ATP13A5: variants seen among roughly 807,000 people sequenced by gnomAD.
ATP13A5 encodes probable cation-transporting ATPase 13A5.
Under a neutral mutation model 150.2 loss-of-function variants are expected in ATP13A5, and 149 were observed. The ratio of observed to expected loss-of-function variants is 0.99; its 90% confidence interval spans 0.87 to 1.14. The LOEUF (loss-of-function observed/expected upper bound fraction) is 1.14. ATP13A5 is among the 50% of genes most tolerant of loss of function. The pLI is 0.00. For missense variants in ATP13A5, 1,383 were observed against 1,449.3 expected (o/e 0.95, Z 0.74); for synonymous variants, 497 against 522.2 (o/e 0.95, Z 0.66).
intron 25 of ATP13A5, among the ~76,000 whole-genome samples, chr3:193,296,670 T>G (rs1462729753): frequency 6.6e-6 from 1 of 152,126 alleles, no homozygotes; most frequent in African/African-American, 2.4e-5. Flanking sequence ...CTATTCGTGC[T>G]CTTTTTTTTT....
chr3:193,375,962 G>A (rs1713626331), intron 1 of ATP13A5, among the ~76,000 whole-genome samples: 1 of 152,180 alleles, frequency 6.6e-6, no homozygotes, highest in African/African-American at 2.4e-5. Flanking sequence ...ACAACGGATT[G>A]TTCACTTGAA....
chr3:193,328,408 C>T (rs901560002), intron 12 of ATP13A5, among the ~76,000 whole-genome samples: 3 of 152,308 alleles, frequency 2.0e-5, no homozygotes, highest in African/African-American at 7.2e-5. Context: ...AAGGACTCCA[C>T]CATGTTCGGT....
intron 29 of ATP13A5, 65 bp downstream of exon 29, chr3:193,276,685 C>A: frequency 1.7e-6 from 2 of 1,146,972 alleles, no homozygotes; most frequent in Non-Finnish European, 1.3e-6. Flanking sequence ...AGAAAATAAG[C>A]ACCTGCTGAA....
At chr3:193,284,805 T>A (rs1053033817) in intron 27 of ATP13A5, 109 bp downstream of exon 27, 39 of 926,674 alleles carry the variant, frequency 4.2e-5, no homozygotes, top group Non-Finnish European at 5.4e-5. Context: ...TTTAGAGTCA[T>A]GCAATTGTTT....
chr3:193,292,861 A>G (rs568533547), intron 25 of ATP13A5, among the ~76,000 whole-genome samples: 1 of 152,198 alleles, frequency 6.6e-6, no homozygotes, highest in South Asian at 2.1e-4. Context: ...TCTTATGCAG[A>G]ATATTCTGAC....
At position 193,276,743 on chromosome 3, in the gene ATP13A5, A is replaced by T. The variant is rs780029711; in HGVS notation, c.3396+7T>A. 8.9e-6 allele frequency: 14 copies of T among 1,578,404 alleles called. No individual in the cohort carries two copies. Among genetic ancestry groups the T allele is most frequent in the Middle Eastern group, 1.7e-4 (1 of 5,932 alleles). On this transcript the variant is annotated splice_region_variant and intron_variant, in intron 29 of 29. Coordinates refer to ENST00000342358, the MANE Select transcript of ATP13A5 (RefSeq NM_198505.4). ...TCTTCCTAGAAAAAATATAGAGATTACTTTACCTCTACAAAGAAAGCCACA... is the reference window on the plus strand; with the variant it reads ...TCTTCCTAGAAAAAATATAGAGATTTCTTTACCTCTACAAAGAAAGCCACA...
intron 11 of ATP13A5, 138 bp downstream of exon 11, chr3:193,333,612 C>T (rs11718268): frequency 0.032 from 27,069 of 836,082 alleles, 552 homozygotes; most frequent in Non-Finnish European, 0.043. Context: ...AGAACATTTC[C>T]GCTGTCTAAG....
At chr3:193,333,156 C>G (rs1378200852) in intron 11 of ATP13A5, among the ~76,000 whole-genome samples, 1 of 150,208 alleles carries the variant, frequency 6.7e-6, no homozygotes, top group Non-Finnish European at 1.5e-5. Context: ...CACACACACA[C>G]AAACACACAC....
At chr3:193,327,606 A>G (rs1719511323) in intron 12 of ATP13A5, among the ~76,000 whole-genome samples, 1 of 152,230 alleles carries the variant, frequency 6.6e-6, no homozygotes, top group Non-Finnish European at 1.5e-5. Flanking sequence ...ATATTAATTA[A>G]TGCCCATAAG....
intron 14 of ATP13A5, 125 bp downstream of exon 14, chr3:193,324,739 T>A: frequency 9.7e-7 from 1 of 1,027,438 alleles, no homozygotes; most frequent in Admixed American, 2.4e-5. Context: ...GTTCTGGTAG[T>A]GTTACACGCT....
At chr3:193,319,401 G>A (rs1033593156) in intron 16 of ATP13A5, among the ~76,000 whole-genome samples, 1 of 152,198 alleles carries the variant, frequency 6.6e-6, no homozygotes, top group Non-Finnish European at 1.5e-5. Context: ...ATTTGGAGGT[G>A]GGGCCTTCAG....
chr3:193,321,947 A>G, intron 15 of ATP13A5, 110 bp from the exon 16 acceptor site: 5 of 1,217,780 alleles, frequency 4.1e-6, no homozygotes, highest in Non-Finnish European at 5.7e-6. Context: ...ATCTTGATGT[A>G]GTATATTTGT....
intron 27 of ATP13A5, among the ~76,000 whole-genome samples, chr3:193,280,283 G>T (rs1370976800): frequency 6.6e-6 from 1 of 152,002 alleles, no homozygotes; most frequent in Non-Finnish European, 1.5e-5. Context: ...TCGAACTCCT[G>T]ACCTGCGATC....
At chr3:193,352,176 C>T (rs1206670029) in intron 6 of ATP13A5, among the ~76,000 whole-genome samples, 2 of 152,188 alleles carry the variant, frequency 1.3e-5, no homozygotes, top group African/African-American at 4.8e-5. Flanking sequence ...AGTGAACTGA[C>T]ATGTGGTAAA....
chr3:193,364,545 A>G (rs1713169802), intron 1 of ATP13A5, among the ~76,000 whole-genome samples: 1 of 152,198 alleles, frequency 6.6e-6, no homozygotes, highest in African/African-American at 2.4e-5. Context: ...CTATATATTC[A>G]TAAGAGTCAC....
At position 193,362,750 on chromosome 3, in the gene ATP13A5, C is replaced by CTTCTTCT. The variant is rs1194680637; in HGVS notation, c.385-114_385-113insAGAAGAA. ...CCCCTTGTGGGTCTCACTTGCTTTC[C>CTTCTTCT]TTCTTTCTTTCTTTCTTTCTTTCTT... On this transcript the variant is annotated intron_variant, in intron 3 of 29. Transcript: ENST00000342358. 2.1e-4 allele frequency: 133 copies of CTTCTTCT among 633,200 alleles called. 4 individuals are homozygous for CTTCTTCT. The African/African-American group carries it at 3.0e-3, about 14-fold the overall frequency. 39.2% of individuals were successfully genotyped at this position (633,200 alleles called of 1,614,324 possible). A position where few individuals can be genotyped will look rare whatever the true frequency, so the allele number is the denominator to read the frequency against.
intron 1 of ATP13A5, among the ~76,000 whole-genome samples, chr3:193,375,415 C>T (rs1369265147): frequency 1.3e-5 from 2 of 152,130 alleles, no homozygotes; most frequent in Non-Finnish European, 2.9e-5. Flanking sequence ...TTGAAGGCTC[C>T]TGTGGGCTCT....
chr3:193,286,509 C>G (rs1429064392), intron 26 of ATP13A5, among the ~76,000 whole-genome samples: 1 of 152,032 alleles, frequency 6.6e-6, no homozygotes, highest in Admixed American at 6.6e-5. Context: ...TAATTACTAC[C>G]TCTATTATTG....
intron 17 of ATP13A5, among the ~76,000 whole-genome samples, chr3:193,315,354 T>G (rs1424682961): frequency 6.6e-6 from 1 of 152,226 alleles, no homozygotes; most frequent in Non-Finnish European, 1.5e-5. Context: ...AATGTGCTTA[T>G]CTTCCAACTC....
Sources: gnomAD v4.1 joint callset for allele counts (sites outside exome capture counted in the v4.1 genomes callset) on GRCh38, gnomAD v4.1.1 for gene constraint, MANE v1.5 for transcripts, NCBI Gene and HGNC (gene_info 2026-07-23, HGNC 2026-07-21) for gene names.